DENND10: variants seen among roughly 807,000 people sequenced by gnomAD.
DENND10 encodes DENN domain-containing protein 10.
Under a neutral mutation model 43.6 loss-of-function variants are expected in DENND10, and 24 were observed. That is an observed-to-expected ratio of 0.55 (90% CI 0.40 to 0.77). The LOEUF is 0.77. Among genes scored for constraint, DENND10 ranks in the 30% least tolerant of loss-of-function variants. The pLI, the probability that DENND10 is intolerant of heterozygous loss-of-function variation, is 0.00. For synonymous variants in DENND10, 125 were observed against 157.6 expected, an observed-to-expected ratio of 0.79 and a Z score of 1.55; for missense variants, 303 against 429.9, an observed-to-expected ratio of 0.70 and a Z score of 2.61.
At chr10:119,127,574 G>A (rs1210600785) in intron 6 of DENND10, among the ~76,000 whole-genome samples, 2 of 152,080 alleles carry the variant, frequency 1.3e-5, no homozygotes, top group African/African-American at 2.4e-5. Flanking sequence ...CATCTCCCAG[G>A]TTCAAGCAAT....
chr10:119,132,437 G>A lies in DENND10; in HGVS notation c.803-78G>A. On this transcript the variant is annotated intron_variant, in intron 7 of 8. Coordinates refer to ENST00000361432, the MANE Select transcript of DENND10 (RefSeq NM_207009.4). The surrounding 1 kb of genome is among the most constrained non-coding windows in gnomAD (Gnocchi z 4.2). Reference sequence around the variant, plus strand: ...GCTTTTTGAAAATTCCCTCAGTGTGGTCTTCCAAGTTTTCAGATAGATGGC... The same window carrying A: ...GCTTTTTGAAAATTCCCTCAGTGTGATCTTCCAAGTTTTCAGATAGATGGC... 4 of 1,191,952 alleles carry A rather than the reference G, an allele frequency of 3.4e-6. No homozygotes were observed. The Admixed American group carries it at 5.2e-5, about 15-fold the overall frequency. 73.8% of individuals were successfully genotyped at this position (1,191,952 alleles called of 1,614,324 possible). A position where few individuals can be genotyped will look rare whatever the true frequency, so the allele number is the denominator to read the frequency against.
At chr10:119,123,348 G>A in intron 5 of DENND10, 121 bp from the exon 6 acceptor site, 1 of 684,570 alleles carries the variant, frequency 1.5e-6, no homozygotes. Flanking sequence ...TCTCACCTCT[G>A]TCCCTGATTA....
At chr10:119,115,566 T>A in intron 3 of DENND10, among the ~76,000 whole-genome samples, 1 of 126,288 alleles carries the variant, frequency 7.9e-6, no homozygotes, top group Non-Finnish European at 1.7e-5. Context: ...TTTTTTTGTA[T>A]TTTTAGTAGA....
intron 3 of DENND10, among the ~76,000 whole-genome samples, chr10:119,112,183 T>A (rs1251743646): frequency 6.6e-6 from 1 of 152,192 alleles, no homozygotes; most frequent in Non-Finnish European, 1.5e-5. Flanking sequence ...TTTGAATCAC[T>A]TCCTACTTTT....
In DENND10 at chr10:119,119,202, C is replaced by T. The variant is rs538791922; in HGVS notation, c.482-1139C>T. On this transcript the variant is annotated intron_variant, in intron 4 of 8. Coordinates refer to ENST00000361432, the MANE Select transcript of DENND10 (RefSeq NM_207009.4). ...TATTTTTAGTACAGATGGGGTTTCT[C>T]CATGTTGGTCAGGCTGGTCTCGAAC... Among the ~76,000 whole-genome samples, 113 of 152,260 alleles carry T rather than the reference C, an allele frequency of 7.4e-4. 5 individuals carry two copies. In the South Asian group the frequency reaches 0.023, roughly 31 times the overall value.
intron 6 of DENND10, among the ~76,000 whole-genome samples, chr10:119,128,154 C>T (rs978609847): frequency 1.3e-5 from 2 of 151,696 alleles, no homozygotes; most frequent in African/African-American, 4.8e-5. Flanking sequence ...CTTTACTAAA[C>T]ATACAAAACT....
intron 6 of DENND10, among the ~76,000 whole-genome samples, chr10:119,124,836 G>A (rs1159985139): frequency 2.0e-5 from 3 of 151,836 alleles, no homozygotes; most frequent in African/African-American, 7.3e-5. Context: ...CCGAGGTGGG[G>A]TGATCGCCTG....
At chr10:119,119,095 C>T (rs866492803) in intron 4 of DENND10, among the ~76,000 whole-genome samples, 1 of 151,708 alleles carries the variant, frequency 6.6e-6, no homozygotes, top group Non-Finnish European at 1.5e-5. Context: ...CTCACCGCAT[C>T]CTCCGCCTCC....
At chr10:119,127,321 T>C (rs1845882263) in intron 6 of DENND10, among the ~76,000 whole-genome samples, 1 of 152,288 alleles carries the variant, frequency 6.6e-6, no homozygotes, top group South Asian at 2.1e-4. Context: ...GGATAACCAC[T>C]TGGACCAGGA....
intron 1 of DENND10, among the ~76,000 whole-genome samples, chr10:119,106,369 G>A (rs1372900709): frequency 6.6e-6 from 1 of 152,188 alleles, no homozygotes; most frequent in Non-Finnish European, 1.5e-5. Context: ...TTTAGAGACA[G>A]GGTCTCTCTC....
intron 4 of DENND10, among the ~76,000 whole-genome samples, chr10:119,118,883 A>C (rs1178253141): frequency 1.6e-5 from 2 of 126,788 alleles, no homozygotes; most frequent in African/African-American, 3.1e-5. Flanking sequence ...TCACTGTGTC[A>C]CCCAGGCTGG....
At position 119,135,684 on chromosome 10, in the gene DENND10, TTC is replaced by T. The variant is rs543405098; in HGVS notation, c.898-785_898-784del. 4.0e-5 allele frequency among the ~76,000 whole-genome samples: 6 copies of T among 151,258 alleles called. No individual in the cohort carries two copies. In the South Asian group the frequency reaches 1.3e-3, roughly 32 times the overall value. On this transcript the variant is annotated intron_variant, in intron 8 of 8. Coordinates refer to ENST00000361432, the MANE Select transcript of DENND10 (RefSeq NM_207009.4). ...GGGGTTATTGTGTAATGGGTAGAGT[TTC>T]TGTTTGTGATGGTGAAACGTGCTGG...
intron 1 of DENND10, among the ~76,000 whole-genome samples, chr10:119,107,578 A>G (rs1190467995): frequency 2.0e-5 from 3 of 151,768 alleles, no homozygotes; most frequent in South Asian, 2.1e-4. Flanking sequence ...TAATTTTTGT[A>G]TTATTAGTAG....
chr10:119,123,586 C>T lies in DENND10; in HGVS notation c.694+17C>T, dbSNP rs1215539140. The T allele has an allele frequency of 3.2e-6, 5 of 1,558,040 alleles. No homozygotes were observed. In the Admixed American group the frequency reaches 5.2e-5, roughly 16 times the overall value. ...TGTGCACAGGTAGACAAGAGGATCC[C>T]AGGGGAGGAACTGTTTCACTTTTTT... On this transcript the variant is annotated intron_variant, in intron 6 of 8. Coordinates refer to ENST00000361432, the MANE Select transcript of DENND10 (RefSeq NM_207009.4).
chr10:119,131,490 A>T (rs893092994), intron 7 of DENND10, among the ~76,000 whole-genome samples: 1 of 152,182 alleles, frequency 6.6e-6, no homozygotes, highest in Non-Finnish European at 1.5e-5. Context: ...ATTGTCCCAA[A>T]TTACAGCTAC....
intron 7 of DENND10, among the ~76,000 whole-genome samples, chr10:119,130,218 T>C (rs1445163860): frequency 6.6e-6 from 1 of 151,940 alleles, no homozygotes; most frequent in Non-Finnish European, 1.5e-5. Context: ...TGGAGTGCAA[T>C]GGCACGATCT....
intron 1 of DENND10, among the ~76,000 whole-genome samples, chr10:119,107,087 C>T (rs1045472299): frequency 2.0e-5 from 3 of 152,062 alleles, no homozygotes; most frequent in African/African-American, 4.8e-5. Flanking sequence ...GAGGCCGAGG[C>T]GGGCAGATCA....
At chr10:119,121,994 T>C (rs913648492) in intron 5 of DENND10, among the ~76,000 whole-genome samples, 1 of 152,062 alleles carries the variant, frequency 6.6e-6, no homozygotes, top group Non-Finnish European at 1.5e-5. Context: ...GGGCAACTTA[T>C]TAGCTCTGTG....
intron 6 of DENND10, among the ~76,000 whole-genome samples, chr10:119,126,350 C>G (rs766421973): frequency 1.3e-5 from 2 of 152,070 alleles, no homozygotes; most frequent in Non-Finnish European, 2.9e-5. Context: ...TATGGTAGTT[C>G]TATTTTTAGT....
Sources: allele counts gnomAD v4.1 joint callset (sites outside exome capture counted in the v4.1 genomes callset), GRCh38; gene constraint gnomAD v4.1.1; non-coding constraint Gnocchi (gnomAD v3.1); transcripts MANE v1.5; gene names NCBI Gene and HGNC (gene_info 2026-07-23, HGNC 2026-07-21).